The following ALG1 variants were observed in gnomAD, a reference collection of about 807,000 sequenced individuals.
ALG1 encodes chitobiosyldiphosphodolichol beta-mannosyltransferase.
A neutral mutation model predicts 55.1 loss-of-function variants in ALG1; 58 were observed. The ratio of observed to expected loss-of-function variants is 1.05; its 90% CI spans 0.85 to 1.31. The LOEUF is 1.31. ALG1 is among the 50% of genes most tolerant of loss of function. The probability of loss-of-function intolerance (pLI) is 0.00; values close to 1 mark genes in which losing one functional copy is unlikely to be tolerated. For synonymous variants in ALG1, 309 were observed against 247.0 expected, an observed-to-expected ratio of 1.25 and a Z score of -2.35; for missense variants, 761 against 598.6, an observed-to-expected ratio of 1.27 and a Z score of -2.83.
Position 5,073,269 on chromosome 16 carries a change from C to A in ALG1, c.390+13C>A, listed in dbSNP as rs62036244. On this transcript the variant is annotated intron_variant, in intron 3 of 12. Transcript: ENST00000262374. ...TATCTTTCTCCAGGTGTGTATCAGC[C>A]TCTGCCTCCCTCTGTGAGAGCCATG... 1.3e-3 allele frequency: 2,050 copies of A among 1,609,738 alleles called. 21 individuals are homozygous for A. The African/African-American group carries it at 0.024, about 19-fold the overall frequency.
intron 4 of ALG1, among the ~76,000 whole-genome samples, chr16:5,077,171 A>G (rs1956928410): frequency 6.6e-6 from 1 of 151,808 alleles, no homozygotes; most frequent in Admixed American, 6.6e-5. Context: ...TTAAATTTGT[A>G]TTTATTTATT....
chr16:5,081,634 A>T (rs372791308), intron 10 of ALG1, among the ~76,000 whole-genome samples: 6 of 152,104 alleles, frequency 3.9e-5, no homozygotes, highest in African/African-American at 1.2e-4. Context: ...ATCTCAGTTC[A>T]TGCAACCTCT....
At chr16:5,072,529 C>G (rs542974832) in intron 1 of ALG1, among the ~76,000 whole-genome samples, 1 of 152,206 alleles carries the variant, frequency 6.6e-6, no homozygotes, top group Non-Finnish European at 1.5e-5. Flanking sequence ...ACGTTGGTAT[C>G]TTGAGAGGGT....
intron 3 of ALG1, among the ~76,000 whole-genome samples, chr16:5,073,659 G>C (rs1260381338): frequency 6.6e-6 from 1 of 152,236 alleles, no homozygotes; most frequent in African/African-American, 2.4e-5. Context: ...TTTGAACGTA[G>C]GTCGTCAGTG....
intron 4 of ALG1, among the ~76,000 whole-genome samples, chr16:5,076,530 A>G (rs141674359): frequency 4.7e-4 from 71 of 152,360 alleles, no homozygotes; most frequent in African/African-American, 1.3e-3. Context: ...AAAATATCCC[A>G]GGCAAGCCCA....
intron 6 of ALG1, 145 bp from the exon 7 acceptor site, chr16:5,078,612 G>C: frequency 7.0e-7 from 1 of 1,427,950 alleles, no homozygotes; most frequent in Non-Finnish European, 9.8e-7. Context: ...CCAGGCCTCA[G>C]ATGGCAGGGG....
At chr16:5,079,456 G>A (rs554070566) in intron 8 of ALG1, among the ~76,000 whole-genome samples, 1 of 152,280 alleles carries the variant, frequency 6.6e-6, no homozygotes, top group African/African-American at 2.4e-5. Context: ...CTGGGAGGCC[G>A]AGGCAGGCAG....
At chr16:5,072,138 G>C (rs1956827825) in intron 1 of ALG1, 81 bp downstream of exon 1, 1 of 1,547,746 alleles carries the variant, frequency 6.5e-7, no homozygotes, top group Non-Finnish European at 8.7e-7. Context: ...GAGTCGAGGC[G>C]GAAGTGCTCC....
intron 8 of ALG1, 58 bp from the exon 9 acceptor site, chr16:5,079,690 A>G (rs79210477): frequency 1.2e-5 from 19 of 1,535,854 alleles, no homozygotes; most frequent in Non-Finnish European, 1.5e-5. Context: ...GTCTGTCAGA[A>G]AAAAAAAAAA....
intron 10 of ALG1, among the ~76,000 whole-genome samples, chr16:5,082,212 TG>T (rs1482663231): frequency 2.6e-5 from 4 of 152,150 alleles, no homozygotes; most frequent in Non-Finnish European, 5.9e-5. Flanking sequence ...CCCAAAATGC[TG>T]GGATTACAGG....
chr16:5,075,560 A>T, intron 4 of ALG1, 24 bp downstream of exon 4: 3 of 1,613,508 alleles, frequency 1.9e-6, no homozygotes, highest in Non-Finnish European at 2.5e-6. Context: ...AAGAGGGTAA[A>T]ATACCGTCCC....
In ALG1 at chr16:5,079,736, T is replaced by A. The variant is rs781282806; in HGVS notation, c.902-12T>A. 7 of 1,611,560 alleles carry A rather than the reference T, an allele frequency of 4.3e-6. No homozygotes were observed. Among genetic ancestry groups the A allele is most frequent in the Admixed American group, 1.7e-5 (1 of 59,990 alleles). On this transcript the variant is annotated splice_polypyrimidine_tract_variant and intron_variant, in intron 8 of 12. Coordinates refer to ENST00000262374, the MANE Select transcript of ALG1 (RefSeq NM_019109.5). Reference sequence around the variant, plus strand: ...AAATTCCATGTAGAATTGTTTCTTTTTCTAAACACAGAGTTTGAACAACTG... The same window carrying A: ...AAATTCCATGTAGAATTGTTTCTTTATCTAAACACAGAGTTTGAACAACTG...
In ALG1 at chr16:5,085,832, G is replaced by T. The variant is rs1957143754; in HGVS notation, c.*951G>T. Reference sequence around the variant, plus strand: ...AGGACAGGCCTGGCGGGGTAGGGGGGTGTCCAAGTCAGTTTACTTGGTTCA... The same window carrying T: ...AGGACAGGCCTGGCGGGGTAGGGGGTTGTCCAAGTCAGTTTACTTGGTTCA... On this transcript the variant is annotated 3_prime_UTR_variant, in exon 13 of 13. Transcript: ENST00000262374. The T allele has an allele frequency of 6.4e-6, 6 of 940,648 alleles. No individual in the cohort carries two copies. Among genetic ancestry groups the T allele is most frequent in the Non-Finnish European group, 1.1e-5 (6 of 571,286 alleles). The allele number at this position is 940,648 out of a possible 1,614,324, so 58.3% of individuals were successfully genotyped here. A position where few individuals can be genotyped will look rare whatever the true frequency, so the allele number is the denominator to read the frequency against.
At chr16:5,078,345 C>T (rs1596257031) in intron 6 of ALG1, 1 of 599,986 alleles carries the variant, frequency 1.7e-6, no homozygotes. Context: ...CCAGTGGCTT[C>T]CCAGGCCTGT....
rs7197573 is a variant in ALG1, at chr16:5,087,312, C to T, written c.*2431C>T. ...TGGACAAGACTGCTATATGTATATT[C>T]TAGGTTTTCCCCTATAGGTATACTT... is the stretch of plus-strand genomic sequence containing the variant. On this transcript the variant is annotated 3_prime_UTR_variant, in exon 13 of 13. Coordinates refer to ENST00000262374, the MANE Select transcript of ALG1 (RefSeq NM_019109.5). 6.6e-6 allele frequency: 1 copy of T among 152,164 alleles called. No homozygotes were observed. Among genetic ancestry groups the T allele is most frequent in the Non-Finnish European group, 1.5e-5 (1 of 68,032 alleles). 9.4% of individuals were successfully genotyped at this position (152,164 alleles called of 1,614,324 possible).
rs541160794 is a variant in ALG1, at chr16:5,085,605, C to A, written c.*724C>A. The A allele has an allele frequency of 3.4e-6, 5 of 1,489,338 alleles. No homozygotes were observed. In the East Asian group the frequency reaches 1.1e-4, roughly 34 times the overall value. 92.3% of individuals were successfully genotyped at this position (1,489,338 alleles called of 1,614,324 possible). A position where few individuals can be genotyped will look rare whatever the true frequency, so the allele number is the denominator to read the frequency against. On this transcript the variant is annotated 3_prime_UTR_variant, in exon 13 of 13. Coordinates refer to ENST00000262374, the MANE Select transcript of ALG1 (RefSeq NM_019109.5). ...TCCCATGAGAGTGACTTGATTCTCA[C>A]AATCCCGTTGGAGTCGTGTGTGAGT...
intron 3 of ALG1, among the ~76,000 whole-genome samples, chr16:5,074,042 T>G (rs185939162): frequency 1.3e-5 from 2 of 152,306 alleles, no homozygotes; most frequent in African/African-American, 4.8e-5. Context: ...TCCCTTCCCT[T>G]GATCACTTTT....
chr16:5,076,177 T>G (rs531756807), intron 4 of ALG1, among the ~76,000 whole-genome samples: 1 of 152,344 alleles, frequency 6.6e-6, no homozygotes, highest in Admixed American at 6.5e-5. Context: ...ATAACATCTC[T>G]GTTATACTCT....
At chr16:5,077,318 C>T (rs1956930906) in intron 4 of ALG1, 127 bp from the exon 5 acceptor site, 5 of 812,704 alleles carry the variant, frequency 6.2e-6, no homozygotes, top group South Asian at 5.5e-5. Flanking sequence ...ACTGGCACAG[C>T]TGGGGCTCAG....
Sources: gnomAD v4.1 joint callset for allele counts (sites outside exome capture counted in the v4.1 genomes callset) on GRCh38, gnomAD v4.1.1 for gene constraint, MANE v1.5 for transcripts, NCBI Gene and HGNC (gene_info 2026-07-23, HGNC 2026-07-21) for gene names.